Variants in ASB4 observed in about 807,000 individuals in gnomAD.
The protein encoded by ASB4 is ankyrin repeat and SOCS box containing 4.
In ASB4, 35 loss-of-function variants were observed where a neutral mutation model predicts 38.6. That is an observed-to-expected ratio of 0.91 (90% CI 0.69 to 1.20). The LOEUF (loss-of-function observed/expected upper bound fraction) is 1.20, where lower values mean the gene tolerates loss of function less well. Among genes scored for constraint, ASB4 ranks in the 50% most tolerant of loss-of-function variants. The pLI is 0.00. For missense variants in ASB4, 557 were observed against 527.2 expected, an observed-to-expected ratio of 1.06 and a Z score of -0.55; for synonymous variants, 195 against 201.3, an observed-to-expected ratio of 0.97 and a Z score of 0.26.
At chr7:95,544,458 AC>A (rs1417926173), downstream of ASB4, 1 of 152,210 alleles carries the variant, frequency 6.6e-6, no homozygotes, top group African/African-American at 2.4e-5. Context: ...TAATTCTATG[AC>A]AAAAATACAA....
chr7:95,500,170 T>A (rs145070794), intron 2 of ASB4, among the ~76,000 whole-genome samples: 1 of 151,932 alleles, frequency 6.6e-6, no homozygotes, highest in Non-Finnish European at 1.5e-5. Context: ...GCAGAAAGCA[T>A]AGACATTTTC....
the ASB4 span, among the ~76,000 whole-genome samples, chr7:95,549,300 C>CTTTTTTTTTTTTTTT: frequency 1.3e-4 from 11 of 83,084 alleles, no homozygotes; most frequent in Non-Finnish European, 1.4e-4. Context: ...TAGGAGACTC[C>CTTTTTTTTTTTTTTT]ATTTTTTTTT....
chr7:95,498,222 G>C (rs6952627), intron 2 of ASB4, among the ~76,000 whole-genome samples: 43,028 of 152,040 alleles, frequency 0.28, 6,291 homozygotes, highest in East Asian at 0.36. Flanking sequence ...TATAATATCA[G>C]TATTTTGGGA....
intron 2 of ASB4, among the ~76,000 whole-genome samples, chr7:95,518,962 A>T (rs1790623129): frequency 6.6e-6 from 1 of 152,196 alleles, no homozygotes; most frequent in African/African-American, 2.4e-5. Flanking sequence ...ATTTCACGGG[A>T]TGACATAAAT....
the ASB4 span, among the ~76,000 whole-genome samples, chr7:95,550,234 C>CA: frequency 6.6e-6 from 1 of 152,156 alleles, no homozygotes; most frequent in South Asian, 2.1e-4. Flanking sequence ...TCTAAAAGTC[C>CA]AAGGCTGCCT....
In ASB4 at chr7:95,540,177, C is replaced by T. The variant is rs1441311581; in HGVS notation, c.*2418C>T. ...TATTGGTGGAATTAAAGTAATTTTT[C>T]CTTATCTTTGAACTTTTATTTAGAG... On this transcript the variant is annotated 3_prime_UTR_variant, in exon 5 of 5. Coordinates refer to ENST00000325885, the MANE Select transcript of ASB4 (RefSeq NM_016116.3). 1 of 152,004 alleles carries T rather than the reference C, an allele frequency of 6.6e-6. No homozygotes were observed. Among genetic ancestry groups the T allele is most frequent in the African/African-American group, 2.4e-5 (1 of 41,384 alleles). The allele number at this position is 152,004 out of a possible 1,614,324, so 9.4% of individuals were successfully genotyped here. A position where few individuals can be genotyped will look rare whatever the true frequency, so the allele number is the denominator to read the frequency against.
rs773874262 is a variant in ASB4 at position 95,538,167 on chromosome 7, T to C, written c.*408T>C. On this transcript the variant is annotated 3_prime_UTR_variant, in exon 5 of 5. Coordinates refer to ENST00000325885, the MANE Select transcript of ASB4 (RefSeq NM_016116.3). Reference sequence around the variant, plus strand: ...AATGGCCATATAGCAGGCTTTGCAATTGGCCTCTTAAACTTGGTGTTTTCC... The same window carrying C: ...AATGGCCATATAGCAGGCTTTGCAACTGGCCTCTTAAACTTGGTGTTTTCC... 1 of 156,016 alleles carries C rather than the reference T, an allele frequency of 6.4e-6. No homozygotes were observed. Among genetic ancestry groups the C allele is most frequent in the Admixed American group, 6.4e-5 (1 of 15,688 alleles). The allele number at this position is 156,016 out of a possible 1,614,324, so 9.7% of individuals were successfully genotyped here.
At chr7:95,535,635 T>C (rs185829294) in intron 3 of ASB4, among the ~76,000 whole-genome samples, 182 of 152,340 alleles carry the variant, frequency 1.2e-3, no homozygotes, top group African/African-American at 4.3e-3. Flanking sequence ...ATGTTAAAGC[T>C]AAATCTTTCT....
chr7:95,516,627 C>A (rs931098126), intron 2 of ASB4, among the ~76,000 whole-genome samples: 3 of 152,114 alleles, frequency 2.0e-5, no homozygotes, highest in African/African-American at 7.2e-5. Flanking sequence ...TTCCTGTTTT[C>A]AATATGGCTT....
chr7:95,509,813 AG>A (rs1790456386), intron 2 of ASB4, among the ~76,000 whole-genome samples: 1 of 152,150 alleles, frequency 6.6e-6, no homozygotes, highest in Non-Finnish European at 1.5e-5. Context: ...CAACCATGTG[AG>A]GTTGCACATT....
At chr7:95,550,468 G>A in the ASB4 span, among the ~76,000 whole-genome samples, 111 of 152,258 alleles carry the variant, frequency 7.3e-4, no homozygotes, top group Admixed American at 3.6e-3. Context: ...GTGTGGTGCT[G>A]AGTTATTACC....
upstream of ASB4, among the ~76,000 whole-genome samples, chr7:95,483,442 G>T (rs1331465638): frequency 1.3e-5 from 2 of 152,198 alleles, no homozygotes; most frequent in Non-Finnish European, 2.9e-5. Context: ...TATTCAAAGA[G>T]ACTGATCATT....
At chr7:95,491,943 A>G (rs961742258) in intron 1 of ASB4, among the ~76,000 whole-genome samples, 1 of 152,180 alleles carries the variant, frequency 6.6e-6, no homozygotes, top group Non-Finnish European at 1.5e-5. Flanking sequence ...CCCTAGCCCC[A>G]CATTACCACC....
At chr7:95,470,660 C>T in the ASB4 span, among the ~76,000 whole-genome samples, 1,164 of 152,254 alleles carry the variant, frequency 7.6e-3, 5 homozygotes, top group Non-Finnish European at 0.013. Context: ...GGTGTCAGAT[C>T]CTTTCTCATT....
chr7:95,549,473 AT>A, the ASB4 span, among the ~76,000 whole-genome samples: 1 of 151,376 alleles, frequency 6.6e-6, no homozygotes, highest in South Asian at 2.1e-4. Flanking sequence ...ATTTTTTTGT[AT>A]TTTTAGTAGA....
At chr7:95,503,045 A>G (rs1438962143) in intron 2 of ASB4, among the ~76,000 whole-genome samples, 1 of 152,236 alleles carries the variant, frequency 6.6e-6, no homozygotes, top group Admixed American at 6.5e-5. Flanking sequence ...GACTGTATAG[A>G]TGTATTTTTC....
chr7:95,533,852 G>A (rs117554412), intron 3 of ASB4, among the ~76,000 whole-genome samples: 10 of 152,148 alleles, frequency 6.6e-5, no homozygotes, highest in African/African-American at 2.4e-4. Context: ...CTCGAAAAAT[G>A]GTAGCTATTA....
At chr7:95,510,093 T>A (rs1790459631) in intron 2 of ASB4, among the ~76,000 whole-genome samples, 1 of 151,944 alleles carries the variant, frequency 6.6e-6, no homozygotes, top group Non-Finnish European at 1.5e-5. Context: ...GCTTAAAAAA[T>A]TAACTATCCT....
chr7:95,479,698 A>G (rs938792217), intron 1 of ASB4, among the ~76,000 whole-genome samples: 2 of 152,184 alleles, frequency 1.3e-5, no homozygotes, highest in Non-Finnish European at 2.9e-5. Flanking sequence ...CATTTTGGAG[A>G]ACCTACTATG....
Sources: allele counts gnomAD v4.1 joint callset (sites outside exome capture counted in the v4.1 genomes callset), GRCh38; gene constraint gnomAD v4.1.1; transcripts MANE v1.5; gene names NCBI Gene and HGNC (gene_info 2026-07-23, HGNC 2026-07-21).